VPS13C: variants seen among roughly 807,000 people sequenced by gnomAD.
VPS13C encodes vacuolar protein sorting 13 homolog C.
A neutral mutation model predicts 456.8 loss-of-function variants in VPS13C; 358 were observed. That is an observed-to-expected ratio of 0.78 (90% CI 0.72 to 0.86). VPS13C has a LOEUF of 0.86. VPS13C is among the 40% of genes least tolerant of loss of function. The probability of loss-of-function intolerance (pLI) is 0.00; values close to 1 mark genes in which losing one functional copy is unlikely to be tolerated. For missense variants in VPS13C, 4,818 were observed against 4,385.4 expected (o/e 1.10, Z -2.79); for synonymous variants, 1,578 against 1,486.7 (o/e 1.06, Z -1.41).
chr15:62,033,313 G>T, intron 5 of VPS13C, 128 bp downstream of exon 5: 1 of 491,942 alleles, frequency 2.0e-6, no homozygotes, highest in Non-Finnish European at 3.4e-6. Flanking sequence ...GCAATATTTT[G>T]AGATTAAAAA....
At chr15:61,952,345 C>T (rs1204938702) in intron 38 of VPS13C, among the ~76,000 whole-genome samples, 1 of 152,248 alleles carries the variant, frequency 6.6e-6, no homozygotes, top group African/African-American at 2.4e-5. Context: ...TAGTATTCTC[C>T]CCCCAGATAA....
At chr15:62,056,975 A>C (rs919252542) in intron 1 of VPS13C, among the ~76,000 whole-genome samples, 1 of 152,082 alleles carries the variant, frequency 6.6e-6, no homozygotes, top group Non-Finnish European at 1.5e-5. Context: ...TATCCAATAA[A>C]TAACAGCGCA....
chr15:61,859,688 A>G lies in VPS13C; in HGVS notation c.10953-3279T>C, dbSNP rs117038003. Among the ~76,000 whole-genome samples the G allele has an allele frequency of 1.5e-3, 234 of 152,202 alleles. 2 individuals are homozygous for G. In the East Asian group the frequency reaches 0.029, roughly 19 times the overall value. On this transcript the variant is annotated intron_variant, in intron 82 of 84. Transcript: ENST00000644861. ...TCTTACTGTACCAAGAGTTTTCCCT[A>G]TGTCCTCAGAGACTCTGTCCATCGC... is the stretch of plus-strand genomic sequence containing the variant.
At position 61,890,286 on chromosome 15, in the gene VPS13C, C is replaced by T; in HGVS notation, c.9220G>A (p.Ala3074Thr). The T allele has an allele frequency of 6.2e-7, 1 of 1,614,052 alleles. No homozygotes were observed. Among genetic ancestry groups the T allele is most frequent in the Non-Finnish European group, 8.5e-7 (1 of 1,180,026 alleles). The change falls in exon 67 of 85, where the codon GCA becomes ACA. Residue 3074 changes from alanine to threonine, a missense_variant. Physicochemically the swap from Ala to Thr is moderately conservative, Grantham distance 58. Transcript: ENST00000644861. ...FTDDVALVSK[A>T]LQAEEMEQAD... is the part of the protein sequence containing the mutation. ...TGTTCCATTTCTTCTGCCTGCAGTG[C>T]TTTGGAAACCAAGGCAACATCATCG...
At chr15:61,965,317 G>A (rs1267975250) in intron 30 of VPS13C, among the ~76,000 whole-genome samples, 2 of 151,798 alleles carry the variant, frequency 1.3e-5, no homozygotes, top group East Asian at 1.9e-4. Context: ...AATTATGAAT[G>A]GGTTACTAAG....
chr15:61,997,832 G>A (rs2046442302), intron 16 of VPS13C, among the ~76,000 whole-genome samples: 1 of 143,884 alleles, frequency 7.0e-6, no homozygotes, highest in Non-Finnish European at 1.6e-5. Context: ...TGCTCCCCCT[G>A]TCTTCACTCT....
At chr15:61,993,279 C>G (rs1463187703) in intron 16 of VPS13C, among the ~76,000 whole-genome samples, 3 of 152,086 alleles carry the variant, frequency 2.0e-5, no homozygotes, top group South Asian at 2.1e-4. Flanking sequence ...AAAGGGCAGG[C>G]ACTAAATTGT....
At chr15:62,002,275 G>A (rs1453588896) in intron 15 of VPS13C, among the ~76,000 whole-genome samples, 4 of 152,156 alleles carry the variant, frequency 2.6e-5, no homozygotes, top group Admixed American at 6.5e-5. Flanking sequence ...GCCAGTGATG[G>A]TGAGCATTTT....
chr15:62,023,312 C>T, intron 8 of VPS13C, 99 bp downstream of exon 8: 6 of 711,888 alleles, frequency 8.4e-6, no homozygotes, highest in Non-Finnish European at 8.4e-6. Context: ...AAATTAATCT[C>T]GGATTTAAAA....
intron 15 of VPS13C, among the ~76,000 whole-genome samples, chr15:62,003,272 TTTGAATCAATTGTGAATGGGAA>T (rs2046703385): frequency 6.6e-6 from 1 of 151,102 alleles, no homozygotes; most frequent in Admixed American, 6.6e-5. Flanking sequence ...TTTTATTCTC[TTTGAATCAATTGTGAATGGGAA>T]TTCACTCATG....
intron 36 of VPS13C, 33 bp downstream of exon 36, chr15:61,959,415 A>C (rs201151704): frequency 6.6e-7 from 1 of 1,523,954 alleles, no homozygotes; most frequent in Middle Eastern, 1.8e-4. Flanking sequence ...TAAAATTTCA[A>C]CAATGAAGTT....
intron 69 of VPS13C, 123 bp from the exon 70 acceptor site, chr15:61,881,951 G>A: frequency 1.2e-6 from 1 of 821,760 alleles, no homozygotes. Flanking sequence ...TATATGCGGT[G>A]TAATTAGAAG....
intron 48 of VPS13C, among the ~76,000 whole-genome samples, chr15:61,935,284 C>G (rs763095305): frequency 6.6e-6 from 1 of 152,124 alleles, no homozygotes; most frequent in Non-Finnish European, 1.5e-5. Context: ...CGGACTGATT[C>G]TATAATCTTT....
intron 82 of VPS13C, among the ~76,000 whole-genome samples, chr15:61,862,147 A>C (rs1894259776): frequency 6.6e-6 from 1 of 151,944 alleles, no homozygotes; most frequent in South Asian, 2.1e-4. Context: ...TGAGAAGAGA[A>C]GAGAAAAAGT....
chr15:61,946,221 TA>T lies in VPS13C; in HGVS notation c.4980+85del, dbSNP rs574087150. ...AAAGTGCCTGGTACATGACAGATAA[TA>T]AATGTATACTGTGCAAATAAATAAT... On this transcript the variant is annotated intron_variant, in intron 44 of 84. Coordinates refer to ENST00000644861, the MANE Select transcript of VPS13C (RefSeq NM_020821.3). The T allele has an allele frequency of 1.7e-5, 18 of 1,038,800 alleles. No individual in the cohort carries two copies. In the South Asian group the frequency reaches 3.0e-4, roughly 17 times the overall value. 64.3% of individuals were successfully genotyped at this position (1,038,800 alleles called of 1,614,324 possible).
intron 69 of VPS13C, 136 bp downstream of exon 69, chr15:61,882,460 T>A: frequency 2.2e-6 from 2 of 900,328 alleles, no homozygotes; most frequent in Non-Finnish European, 3.0e-6. Context: ...ACAGGATATG[T>A]GGAAAAAGGG....
At chr15:62,052,568 G>A (rs2048657643) in intron 1 of VPS13C, among the ~76,000 whole-genome samples, 1 of 151,326 alleles carries the variant, frequency 6.6e-6, no homozygotes, top group African/African-American at 2.4e-5. Context: ...AGCTACTGTG[G>A]AGGCTGAGGC....
chr15:61,920,427 T>C (rs2043616409), intron 56 of VPS13C, 71 bp downstream of exon 56: 2 of 1,490,050 alleles, frequency 1.3e-6, no homozygotes, highest in African/African-American at 2.8e-5. Flanking sequence ...AAACTAATTT[T>C]GATGACAAAA....
At chr15:61,914,678 A>G (rs2043406419) in intron 61 of VPS13C, among the ~76,000 whole-genome samples, 1 of 151,270 alleles carries the variant, frequency 6.6e-6, no homozygotes, top group African/African-American at 2.4e-5. Flanking sequence ...CTCCTGCCTC[A>G]GCCACCCGAG....
Sources: gnomAD v4.1 joint callset for allele counts (sites outside exome capture counted in the v4.1 genomes callset) on GRCh38, gnomAD v4.1.1 for gene constraint, MANE v1.5 for transcripts, NCBI Gene and HGNC (gene_info 2026-07-23, HGNC 2026-07-21) for gene names.